CPED1: variants seen among roughly 807,000 people sequenced by gnomAD.
CPED1 encodes cadherin-like and PC-esterase domain-containing protein 1.
A neutral mutation model predicts 128.2 loss-of-function variants in CPED1; 114 were observed. The ratio of observed to expected loss-of-function variants is 0.89; its 90% confidence interval spans 0.76 to 1.04. CPED1 has a LOEUF of 1.04. CPED1 is among the 50% of genes least tolerant of loss of function. The probability of loss-of-function intolerance (pLI) is 0.00; values close to 1 mark genes in which losing one functional copy is unlikely to be tolerated. For missense variants in CPED1, 1,211 were observed against 1,207.1 expected (o/e 1.00, Z -0.05); for synonymous variants, 462 against 426.7 (o/e 1.08, Z -1.02).
chr7:121,034,546 GACA>G (rs1792836514), intron 3 of CPED1, among the ~76,000 whole-genome samples: 1 of 151,918 alleles, frequency 6.6e-6, no homozygotes, highest in South Asian at 2.1e-4. Context: ...GCGCCTGGCC[GACA>G]TCAAGTATTT....
rs551140979 is a variant in CPED1 at position 121,240,691 on chromosome 7, G to C, written c.2174-3511G>C. Among the ~76,000 whole-genome samples, 87 of 148,338 alleles carry C rather than the reference G, an allele frequency of 5.9e-4. 1 individual carries two copies. Among genetic ancestry groups the C allele is most frequent in the African/African-American group, 2.1e-3 (82 of 39,942 alleles). On this transcript the variant is annotated intron_variant, in intron 17 of 22. Coordinates refer to ENST00000310396, the MANE Select transcript of CPED1 (RefSeq NM_024913.5). ...TGAAGACTCAGAGGCCTCAGTTCTG[G>C]GCCTGCCCTGTCATTAACAGCATGA...
chr7:121,245,683 G>T (rs1798510078), intron 18 of CPED1, among the ~76,000 whole-genome samples: 1 of 151,464 alleles, frequency 6.6e-6, no homozygotes, highest in South Asian at 2.1e-4. Flanking sequence ...ACATGTATGG[G>T]TGTGGCTACT....
At chr7:121,242,143 T>C (rs1181409556) in intron 17 of CPED1, among the ~76,000 whole-genome samples, 3 of 152,190 alleles carry the variant, frequency 2.0e-5, no homozygotes, top group African/African-American at 7.2e-5. Context: ...ACACAGATAT[T>C]TTTACTCCAT....
intron 3 of CPED1, among the ~76,000 whole-genome samples, chr7:121,038,881 G>C (rs1792971759): frequency 6.6e-6 from 1 of 151,974 alleles, no homozygotes; most frequent in Non-Finnish European, 1.5e-5. Flanking sequence ...TGAACACAGA[G>C]ATAAAGCATC....
chr7:121,114,911 A>G (rs1239749438), intron 7 of CPED1, among the ~76,000 whole-genome samples: 1 of 152,254 alleles, frequency 6.6e-6, no homozygotes, highest in East Asian at 1.9e-4. Flanking sequence ...ATGCGCATGC[A>G]TAATCGTCTG....
chr7:121,124,503 A>T, intron 8 of CPED1, 30 bp downstream of exon 8: 1 of 1,383,462 alleles, frequency 7.2e-7, no homozygotes, highest in Non-Finnish European at 9.6e-7. Context: ...TTAAAAAAAA[A>T]AGAAAAGAAA....
At position 121,142,070 on chromosome 7, in the gene CPED1, C is replaced by T. The variant is rs767100061; in HGVS notation, c.1984C>T (p.Leu662Phe). The change falls in exon 16 of 23, where the codon CTC becomes TTC. Residue 662 changes from leucine to phenylalanine, a missense_variant. Transcript: ENST00000310396. ...CGGTGAGACTCTGATCACGTACAAA[C>T]TCACCATCTATAGAGAAGACCGCCC... ...AHGETLITYK[L>F]TIYREDRPSL... The T allele has an allele frequency of 5.9e-5, 95 of 1,612,712 alleles. 1 individual carries two copies. The South Asian group carries it at 1.0e-3, about 17-fold the overall frequency.
intron 22 of CPED1, among the ~76,000 whole-genome samples, chr7:121,277,811 TG>T (rs1792361288): frequency 6.6e-6 from 1 of 152,104 alleles, no homozygotes; most frequent in Admixed American, 6.6e-5. Context: ...AAGAAACTCC[TG>T]GAAACACCAA....
chr7:121,246,811 T>A (rs1457242967), intron 18 of CPED1, among the ~76,000 whole-genome samples: 1 of 152,166 alleles, frequency 6.6e-6, no homozygotes, highest in Non-Finnish European at 1.5e-5. Context: ...ATTGCAAAAT[T>A]TGAAAATAAA....
intron 9 of CPED1, among the ~76,000 whole-genome samples, chr7:121,126,264 T>C (rs1009297092): frequency 2.6e-5 from 4 of 152,164 alleles, no homozygotes; most frequent in African/African-American, 9.7e-5. Flanking sequence ...ATTTTTTACA[T>C]ATACATATTT....
At chr7:120,995,163 T>C (rs1469166537) in intron 2 of CPED1, among the ~76,000 whole-genome samples, 2 of 152,184 alleles carry the variant, frequency 1.3e-5, no homozygotes, top group African/African-American at 4.8e-5. Context: ...TGTAACTGGT[T>C]CTCTTTGCAT....
chr7:121,200,836 G>A (rs944859981), intron 16 of CPED1, among the ~76,000 whole-genome samples: 2 of 152,078 alleles, frequency 1.3e-5, no homozygotes, highest in African/African-American at 4.8e-5. Flanking sequence ...AAGAAGTTAA[G>A]ATCAATGAGG....
At chr7:121,006,093 G>A (rs545254137) in intron 2 of CPED1, among the ~76,000 whole-genome samples, 4 of 152,122 alleles carry the variant, frequency 2.6e-5, no homozygotes, top group Non-Finnish European at 4.4e-5. Context: ...TATTGATATT[G>A]TTGTTGTAAT....
intron 2 of CPED1, among the ~76,000 whole-genome samples, chr7:120,994,285 C>T (rs889012797): frequency 6.6e-5 from 10 of 152,106 alleles, no homozygotes; most frequent in African/African-American, 2.4e-4. Context: ...AAAAAAAATC[C>T]CCTACAGAAC....
At chr7:121,098,753 TAAAA>T (rs1491300205) in intron 6 of CPED1, among the ~76,000 whole-genome samples, 1 of 28,806 alleles carries the variant, frequency 3.5e-5, no homozygotes. Flanking sequence ...TAAAAATATA[TAAAA>T]ATATATATAA....
intron 2 of CPED1, among the ~76,000 whole-genome samples, chr7:120,993,149 A>G (rs1372650209): frequency 1.3e-5 from 2 of 152,224 alleles, no homozygotes; most frequent in Non-Finnish European, 2.9e-5. Flanking sequence ...TCAATTTAAT[A>G]TATAAACACA....
intron 6 of CPED1, among the ~76,000 whole-genome samples, chr7:121,098,582 A>C (rs1346966060): frequency 6.6e-6 from 1 of 151,282 alleles, no homozygotes; most frequent in African/African-American, 2.4e-5. Context: ...AAATAGAAAA[A>C]TTAGCCAGGC....
At chr7:121,120,235 A>G (rs1256228628) in intron 7 of CPED1, among the ~76,000 whole-genome samples, 1 of 152,188 alleles carries the variant, frequency 6.6e-6, no homozygotes, top group African/African-American at 2.4e-5. Flanking sequence ...ATTGCTATTC[A>G]AGTGGCTGCA....
intron 18 of CPED1, among the ~76,000 whole-genome samples, chr7:121,262,531 T>G (rs1015513441): frequency 5.3e-5 from 8 of 152,058 alleles, no homozygotes; most frequent in African/African-American, 1.9e-4. Flanking sequence ...CATGTCTTTG[T>G]GTTTAAAACC....
Sources: gnomAD v4.1 joint callset for allele counts (sites outside exome capture counted in the v4.1 genomes callset) on GRCh38, gnomAD v4.1.1 for gene constraint, MANE v1.5 for transcripts, NCBI Gene and HGNC (gene_info 2026-07-23, HGNC 2026-07-21) for gene names.